Variants in FRMD4A observed in about 807,000 individuals in gnomAD.
FRMD4A encodes FERM domain containing 4A, also known as FERM domain-containing protein 4A.
In FRMD4A, 29 loss-of-function variants were observed where a neutral mutation model predicts 129.1. The ratio of observed to expected loss-of-function variants is 0.22; its 90% CI spans 0.17 to 0.31. FRMD4A has a LOEUF of 0.31. Ranked by LOEUF, FRMD4A falls within the 10% of genes least tolerant of loss-of-function variation. FRMD4A has a pLI of 1.00. For missense variants in FRMD4A, 1,272 were observed against 1,375.8 expected (o/e 0.92, Z 1.19); for synonymous variants, 634 against 571.6 (o/e 1.11, Z -1.56).
intron 14 of FRMD4A, among the ~76,000 whole-genome samples, chr10:13,700,892 T>C: frequency 7.1e-6 from 1 of 139,864 alleles, no homozygotes; most frequent in Non-Finnish European, 1.5e-5. Flanking sequence ...AGTTGGCAGT[T>C]GGAACCGCCT....
At chr10:14,148,928 A>G (rs562326553) in intron 2 of FRMD4A, among the ~76,000 whole-genome samples, 5 of 152,316 alleles carry the variant, frequency 3.3e-5, no homozygotes, top group Admixed American at 2.0e-4. Flanking sequence ...TACTTCCTGC[A>G]TACATACCCA....
At chr10:13,976,964 G>A (rs1250300113) in intron 2 of FRMD4A, among the ~76,000 whole-genome samples, 2 of 152,168 alleles carry the variant, frequency 1.3e-5, no homozygotes, top group Admixed American at 6.5e-5. Context: ...ATTTCTCCAA[G>A]AGCAAAGCCC....
chr10:14,125,158 G>A (rs1342885287), intron 2 of FRMD4A, among the ~76,000 whole-genome samples: 8 of 152,134 alleles, frequency 5.3e-5, no homozygotes, highest in African/African-American at 9.7e-5. Flanking sequence ...ACATCCCAAC[G>A]CATGCACCAT....
intron 12 of FRMD4A, among the ~76,000 whole-genome samples, chr10:13,731,105 A>G (rs1395529749): frequency 6.6e-6 from 1 of 152,110 alleles, no homozygotes; most frequent in African/African-American, 2.4e-5. Flanking sequence ...ACAGACATGT[A>G]AGATCCCGTC....
At chr10:13,657,554 G>C in intron 21 of FRMD4A, 32 bp from the exon 22 acceptor site, 3 of 1,530,070 alleles carry the variant, frequency 2.0e-6, no homozygotes, top group Admixed American at 1.9e-5. Context: ...TGGTCTGGGG[G>C]TGGGGAGTGG....
intron 2 of FRMD4A, among the ~76,000 whole-genome samples, chr10:14,039,399 C>T (rs149717494): frequency 0.15 from 21,120 of 143,136 alleles, 1,937 homozygotes; most frequent in African/African-American, 0.29. Context: ...TCCATCCATC[C>T]ATCCATCCAT....
intron 2 of FRMD4A, among the ~76,000 whole-genome samples, chr10:14,090,651 G>T (rs1440626304): frequency 6.6e-6 from 1 of 152,144 alleles, no homozygotes; most frequent in Non-Finnish European, 1.5e-5. Context: ...CAGCAATGAG[G>T]CCTGGGTACT....
At chr10:13,665,123 C>T (rs1196571583) in intron 18 of FRMD4A, among the ~76,000 whole-genome samples, 3 of 152,188 alleles carry the variant, frequency 2.0e-5, no homozygotes, top group South Asian at 4.1e-4. Context: ...CCGCCCGCCT[C>T]AGCCTCCCAA....
intron 2 of FRMD4A, among the ~76,000 whole-genome samples, chr10:14,322,088 C>G (rs928937315): frequency 2.0e-5 from 3 of 152,268 alleles, no homozygotes; most frequent in African/African-American, 7.2e-5. Flanking sequence ...TCAATTAAAC[C>G]TCTTTTCTTT....
chr10:13,925,017 T>C (rs1816447485), intron 2 of FRMD4A, among the ~76,000 whole-genome samples: 1 of 138,022 alleles, frequency 7.2e-6, no homozygotes. Context: ...TGAGCCGAGA[T>C]TGCACCACTG....
chr10:14,111,922 T>TGGAA (rs1187520093), intron 2 of FRMD4A, among the ~76,000 whole-genome samples: 155 of 130,514 alleles, frequency 1.2e-3, no homozygotes, highest in Middle Eastern at 3.9e-3. Context: ...TCCATGATTA[T>TGGAA]GGAAGGAAGG....
chr10:13,865,408 G>GTTTTGTTTTA (rs1554946457), intron 2 of FRMD4A, among the ~76,000 whole-genome samples: 3 of 127,146 alleles, frequency 2.4e-5, no homozygotes, highest in Non-Finnish European at 5.0e-5. Flanking sequence ...TATTTTATTT[G>GTTTTGTTTTA]TTTTATTTTA....
intron 2 of FRMD4A, among the ~76,000 whole-genome samples, chr10:13,998,916 A>G (rs1161379079): frequency 1.3e-5 from 2 of 152,158 alleles, no homozygotes; most frequent in Non-Finnish European, 2.9e-5. Context: ...AGTCTTACCC[A>G]GAGTAAAACC....
At chr10:13,660,288 A>T (rs762646682) in intron 20 of FRMD4A, 28 bp downstream of exon 20, 3 of 1,432,184 alleles carry the variant, frequency 2.1e-6, no homozygotes, top group Non-Finnish European at 3.0e-6. Context: ...GGGAGGCCTC[A>T]TTTGGCCTCA....
chr10:14,166,979 A>G (rs895544643), intron 2 of FRMD4A, among the ~76,000 whole-genome samples: 22 of 152,212 alleles, frequency 1.4e-4, no homozygotes, highest in Admixed American at 1.2e-3. Context: ...AACAACATAC[A>G]ATGGGATAAA....
chr10:14,011,243 T>A (rs2095681195), intron 2 of FRMD4A, among the ~76,000 whole-genome samples: 1 of 152,168 alleles, frequency 6.6e-6, no homozygotes, highest in Non-Finnish European at 1.5e-5. Flanking sequence ...AGAATGTCAA[T>A]ATAGGAAATT....
At chr10:13,986,928 A>T (rs767977654) in intron 2 of FRMD4A, among the ~76,000 whole-genome samples, 1 of 151,994 alleles carries the variant, frequency 6.6e-6, no homozygotes, top group South Asian at 2.1e-4. Context: ...TCATACCTGT[A>T]TGAGAATCAC....
At chr10:14,043,621 A>G (rs1255592308) in intron 2 of FRMD4A, among the ~76,000 whole-genome samples, 2 of 152,176 alleles carry the variant, frequency 1.3e-5, no homozygotes, top group Non-Finnish European at 2.9e-5. Flanking sequence ...CTCACTCCCC[A>G]GCACCTGCTC....
intron 2 of FRMD4A, among the ~76,000 whole-genome samples, chr10:13,995,656 C>G (rs182850116): frequency 6.6e-6 from 1 of 152,118 alleles, no homozygotes. Context: ...GGTATTGCCC[C>G]GAGAGTAATG....
Sources: allele counts gnomAD v4.1 joint callset (sites outside exome capture counted in the v4.1 genomes callset), GRCh38; gene constraint gnomAD v4.1.1; transcripts MANE v1.5; gene names NCBI Gene and HGNC (gene_info 2026-07-23, HGNC 2026-07-21).